Variants in NGEF observed in about 807,000 individuals in gnomAD.
The protein encoded by NGEF is ephexin-1.
Under a neutral mutation model 80.9 loss-of-function variants are expected in NGEF, and 31 were observed. That is an observed-to-expected ratio of 0.38 (90% CI 0.29 to 0.52). The LOEUF is 0.52. Ranked by LOEUF, NGEF falls within the 20% of genes least tolerant of loss-of-function variation. NGEF has a pLI of 0.84. For missense variants in NGEF, 709 were observed against 926.2 expected (o/e 0.77, Z 3.04); for synonymous variants, 371 against 370.2 (o/e 1.00, Z -0.03).
chr2:232,890,812 C>A, intron 8 of NGEF: 1 of 436,026 alleles, frequency 2.3e-6, no homozygotes, highest in Non-Finnish European at 4.8e-6. Context: ...GATCAGGTGA[C>A]TCCCATCACA....
chr2:232,913,089 AG>A (rs1343262851), intron 5 of NGEF, among the ~76,000 whole-genome samples: 28 of 152,172 alleles, frequency 1.8e-4, no homozygotes, highest in Non-Finnish European at 3.4e-4. Flanking sequence ...ATGAAAGCTT[AG>A]GCTATTGTTT....
intron 12 of NGEF, among the ~76,000 whole-genome samples, chr2:232,883,081 A>G (rs866818101): frequency 4.2e-5 from 6 of 141,500 alleles, no homozygotes; most frequent in East Asian, 2.0e-4. Context: ...ACACACACAC[A>G]CGCACACACG....
intron 6 of NGEF, among the ~76,000 whole-genome samples, chr2:232,893,811 C>T (rs533824088): frequency 1.3e-5 from 2 of 152,296 alleles, no homozygotes; most frequent in South Asian, 4.1e-4. Context: ...AGCAGAAGCC[C>T]AGGGGTCTCA....
intron 3 of NGEF, among the ~76,000 whole-genome samples, chr2:232,934,070 T>C (rs1028004844): frequency 6.6e-6 from 1 of 151,978 alleles, no homozygotes; most frequent in African/African-American, 2.4e-5. Context: ...GGTGAAACCC[T>C]GTCTCTAGTA....
intron 5 of NGEF, chr2:232,901,564 CG>C (rs980520464): frequency 9.5e-6 from 4 of 420,688 alleles, no homozygotes; most frequent in Non-Finnish European, 6.4e-6. Context: ...GCCAGCAGAC[CG>C]TGGACTGAAG....
At chr2:232,925,973 C>T (rs1332296564) in intron 4 of NGEF, among the ~76,000 whole-genome samples, 1 of 152,124 alleles carries the variant, frequency 6.6e-6, no homozygotes, top group African/African-American at 2.4e-5. Context: ...GCTCCACCCC[C>T]TCAGCTTCAC....
chr2:232,995,636 A>AC (rs1418928026), intron 1 of NGEF, among the ~76,000 whole-genome samples: 1 of 40,962 alleles, frequency 2.4e-5, no homozygotes. Flanking sequence ...TACTGTATAT[A>AC]TGTATTATAG....
intron 1 of NGEF, among the ~76,000 whole-genome samples, chr2:232,991,976 A>G (rs1574656978): frequency 6.6e-6 from 1 of 152,344 alleles, no homozygotes; most frequent in African/African-American, 2.4e-5. Context: ...TCAATGAGAA[A>G]AGGATAGTTG....
chr2:232,927,287 G>GAGGT, intron 3 of NGEF, 101 bp from the exon 4 acceptor site: 3 of 1,332,154 alleles, frequency 2.3e-6, no homozygotes, highest in Non-Finnish European at 3.0e-6. Context: ...CTAGCCAGCC[G>GAGGT]GACCTTACCC....
chr2:233,013,225 C>G lies in NGEF; in HGVS notation c.-232G>C, dbSNP rs897208809. On this transcript the variant is annotated 5_prime_UTR_variant, in exon 1 of 15. Coordinates refer to ENST00000264051, the MANE Select transcript of NGEF (RefSeq NM_019850.3). ...GAGAGCCCACAGCCAAAAACTTCGT[C>G]CTGTCCTGGAAAAGCTTCACTGGTA... is the stretch of plus-strand genomic sequence containing the variant. 6.4e-6 allele frequency: 3 copies of G among 471,112 alleles called. No individual in the cohort carries two copies. Among genetic ancestry groups the G allele is most frequent in the African/African-American group, 6.0e-5 (3 of 50,090 alleles). 29.2% of individuals were successfully genotyped at this position (471,112 alleles called of 1,614,324 possible). A position where few individuals can be genotyped will look rare whatever the true frequency, so the allele number is the denominator to read the frequency against.
intron 3 of NGEF, among the ~76,000 whole-genome samples, chr2:232,955,621 C>T (rs556042628): frequency 2.5e-4 from 38 of 152,276 alleles, no homozygotes; most frequent in Middle Eastern, 3.4e-3. Context: ...TGAGTTCAAG[C>T]AATTCTTGTG....
rs1246930027 is a variant in NGEF, at chr2:232,927,032, G to A, written c.526+12C>T. ...TTCCCAAATAAAACCCGGTTACTGC[G>A]GAGACACCCACCTATTTGTTCAATG... On this transcript the variant is annotated intron_variant, in intron 4 of 14. Coordinates refer to ENST00000264051, the MANE Select transcript of NGEF (RefSeq NM_019850.3). 1 of 1,613,818 alleles carries A rather than the reference G, an allele frequency of 6.2e-7. No individual in the cohort carries two copies. The highest frequency in any genetic ancestry group is 2.2e-5 in the East Asian group (1 of 44,866).
chr2:232,948,183 G>GTGTGTGTA (rs760466573), intron 3 of NGEF, among the ~76,000 whole-genome samples: 4 of 147,776 alleles, frequency 2.7e-5, no homozygotes, highest in South Asian at 2.1e-4. Context: ...GTGTGTGTGT[G>GTGTGTGTA]TATATAATTA....
chr2:232,915,455 T>TAC (rs1692778401), intron 5 of NGEF, among the ~76,000 whole-genome samples: 1 of 152,192 alleles, frequency 6.6e-6, no homozygotes, highest in Admixed American at 6.5e-5. Flanking sequence ...GTGTGCATTT[T>TAC]ACACACACAC....
intron 3 of NGEF, among the ~76,000 whole-genome samples, chr2:232,943,747 A>G (rs28706069): frequency 0.07 from 10,486 of 149,542 alleles, 664 homozygotes; most frequent in African/African-American, 0.17. Context: ...CGCCCGCCTC[A>G]GCCTCCCAAA....
At chr2:232,903,694 C>G (rs1481835573) in intron 5 of NGEF, among the ~76,000 whole-genome samples, 4 of 152,202 alleles carry the variant, frequency 2.6e-5, no homozygotes, top group Admixed American at 2.6e-4. Flanking sequence ...ACGTCCACCT[C>G]AAAGCATCAA....
At chr2:232,908,795 T>G (rs1424416733) in intron 5 of NGEF, among the ~76,000 whole-genome samples, 2 of 152,146 alleles carry the variant, frequency 1.3e-5, no homozygotes, top group Non-Finnish European at 2.9e-5. Context: ...GACCCATTTG[T>G]ACTTTTAAAA....
intron 5 of NGEF, among the ~76,000 whole-genome samples, chr2:232,910,725 C>G (rs1692676004): frequency 6.6e-6 from 1 of 152,234 alleles, no homozygotes; most frequent in Admixed American, 6.5e-5. Flanking sequence ...CACACCAGCA[C>G]TTGGGACTGC....
Position 232,936,313 on chromosome 2 carries a change from G to C in NGEF, c.384-9127C>G, listed in dbSNP as rs904116392. On this transcript the variant is annotated intron_variant, in intron 3 of 14. Transcript: ENST00000264051. ...GAATTGTATCACGTTATGGAAATAAGTTAAAAAACAAAATCAGTCTATCCC... is the reference window on the plus strand; with the variant it reads ...GAATTGTATCACGTTATGGAAATAACTTAAAAAACAAAATCAGTCTATCCC... Among the ~76,000 whole-genome samples, 4 of 152,198 alleles carry C rather than the reference G, an allele frequency of 2.6e-5. No homozygotes were observed. In the South Asian group the frequency reaches 8.3e-4, roughly 31 times the overall value.
Sources: gnomAD v4.1 joint callset for allele counts (sites outside exome capture counted in the v4.1 genomes callset) on GRCh38, gnomAD v4.1.1 for gene constraint, MANE v1.5 for transcripts, NCBI Gene and HGNC (gene_info 2026-07-23, HGNC 2026-07-21) for gene names.